The following MTUS2 variants were observed in gnomAD, a reference collection of about 807,000 sequenced individuals.
MTUS2 encodes the protein microtubule associated scaffold protein 2, also known as microtubule-associated tumor suppressor candidate 2.
Under a neutral mutation model 114.1 loss-of-function variants are expected in MTUS2, and 40 were observed. That is an observed-to-expected ratio of 0.35 (90% CI 0.27 to 0.46). The LOEUF (loss-of-function observed/expected upper bound fraction) is 0.46. MTUS2 is among the 20% of genes least tolerant of loss of function. MTUS2 has a pLI of 1.00. For missense variants in MTUS2, 1,679 were observed against 1,705.4 expected, an observed-to-expected ratio of 0.98 and a Z score of 0.27; for synonymous variants, 688 against 672.0, an observed-to-expected ratio of 1.02 and a Z score of -0.37.
chr13:29,087,395 G>T (rs535134222), intron 4 of MTUS2, among the ~76,000 whole-genome samples: 1 of 152,114 alleles, frequency 6.6e-6, no homozygotes, highest in South Asian at 2.1e-4. Context: ...TTATGTGGTC[G>T]ATCACAATTA....
intron 5 of MTUS2, among the ~76,000 whole-genome samples, chr13:29,215,137 T>C (rs939937739): frequency 1.3e-5 from 2 of 151,868 alleles, no homozygotes; most frequent in East Asian, 3.9e-4. Flanking sequence ...TATCCTTTCT[T>C]CTGCTTGATG....
chr13:29,357,946 A>G (rs1280782660), intron 7 of MTUS2, among the ~76,000 whole-genome samples: 1 of 152,070 alleles, frequency 6.6e-6, no homozygotes, highest in East Asian at 1.9e-4. Context: ...ACGTTCACAA[A>G]CCCATTACTC....
intron 2 of MTUS2, among the ~76,000 whole-genome samples, chr13:28,904,827 C>T (rs1372638000): frequency 6.6e-6 from 1 of 152,036 alleles, no homozygotes; most frequent in Non-Finnish European, 1.5e-5. Context: ...GGCATTGAAT[C>T]TATAAATTAC....
At chr13:29,452,316 G>A (rs539678119) in intron 9 of MTUS2, among the ~76,000 whole-genome samples, 16 of 152,058 alleles carry the variant, frequency 1.1e-4, no homozygotes, top group East Asian at 3.9e-4. Flanking sequence ...TATGCATAAC[G>A]CTTTCTGGTT....
At chr13:28,882,686 A>G (rs542501009) in intron 2 of MTUS2, among the ~76,000 whole-genome samples, 4 of 152,326 alleles carry the variant, frequency 2.6e-5, no homozygotes, top group Admixed American at 2.0e-4. Flanking sequence ...GCAGTGAGCC[A>G]TGATTGTGCT....
chr13:28,940,639 C>T (rs1453579322), intron 2 of MTUS2, among the ~76,000 whole-genome samples: 4 of 145,370 alleles, frequency 2.8e-5, no homozygotes, highest in East Asian at 1.9e-4. Context: ...TATAAATATT[C>T]GAATATTAAA....
chr13:28,852,543 G>A (rs947281666), intron 2 of MTUS2, among the ~76,000 whole-genome samples: 9 of 152,098 alleles, frequency 5.9e-5, no homozygotes, highest in Non-Finnish European at 1.0e-4. Flanking sequence ...TTGTTTCTGA[G>A]CAACACTAAC....
Position 29,024,997 on chromosome 13 carries a change from T to C in MTUS2, c.299T>C (p.Leu100Pro). The C allele has an allele frequency of 6.2e-7, 1 of 1,613,626 alleles. No homozygotes were observed. The highest frequency in any genetic ancestry group is 1.1e-5 in the South Asian group (1 of 90,970). Residue 100 changes from leucine (L) to proline (P), a missense_variant, in exon 3 of 16, where the codon CTT becomes CCT. Physicochemically the swap from Leu to Pro is moderately conservative, Grantham distance 98 (BLOSUM62 -3). Transcript: ENST00000612955. Reference protein sequence around the residue: ...AGSASLKDFRLSSTIQRELNE... With the variant: ...AGSASLKDFRPSSTIQRELNE... ...TCTGCCAGCCTGAAAGATTTTAGAC[T>C]TTCTTCAACCATTCAGAGGGAACTC...
At chr13:29,114,159 T>C (rs1047869168) in intron 5 of MTUS2, among the ~76,000 whole-genome samples, 4 of 152,080 alleles carry the variant, frequency 2.6e-5, no homozygotes, top group African/African-American at 9.7e-5. Flanking sequence ...ATTAAACCTT[T>C]TTTTTTTTAA....
In MTUS2 at chr13:28,869,597, C is replaced by G. The variant is rs112893302; in HGVS notation, c.-243+29747C>G. Among the ~76,000 whole-genome samples the G allele has an allele frequency of 4.0e-3, 612 of 152,154 alleles. 10 individuals are homozygous for G. The highest frequency in any genetic ancestry group is 6.0e-3 in the Non-Finnish European group (406 of 67,994). On this transcript the variant is annotated intron_variant, in intron 2 of 15. Transcript: ENST00000612955. ...ACCATTCTGGCCAACATGGTGAAAC[C>G]CATCTCTACTAAAAATACAAAAAAT...
chr13:29,058,135 G>A (rs1027485892), intron 4 of MTUS2, among the ~76,000 whole-genome samples: 1 of 151,698 alleles, frequency 6.6e-6, no homozygotes, highest in Non-Finnish European at 1.5e-5. Context: ...CTGGCTTATA[G>A]GGTTTCTGCT....
chr13:29,480,122 A>G lies in MTUS2; in HGVS notation c.3185-28A>G, dbSNP rs993418730. On this transcript the variant is annotated intron_variant, in intron 9 of 15. Coordinates refer to ENST00000612955, the MANE Select transcript of MTUS2 (RefSeq NM_001033602.4). This position sits in a 1 kb window ranked among gnomAD's most constrained non-coding sequence, Gnocchi z 4.4. ...CCCATGCCTCCTACGGCCATTTTTT[A>G]AAGAAAGATCTTGTGCTTTGCGCCC... 6.5e-7 allele frequency: 1 copy of G among 1,549,116 alleles called. No individual in the cohort carries two copies. Among genetic ancestry groups the G allele is most frequent in the African/African-American group, 1.4e-5 (1 of 72,902 alleles).
intron 1 of MTUS2, among the ~76,000 whole-genome samples, chr13:28,825,149 G>A (rs1009997629): frequency 2.0e-5 from 3 of 152,174 alleles, no homozygotes; most frequent in Non-Finnish European, 4.4e-5. Flanking sequence ...TGTTGTTCTT[G>A]GGGCCTTAGT....
chr13:28,898,308 G>C (rs1879411948), intron 2 of MTUS2, among the ~76,000 whole-genome samples: 1 of 152,164 alleles, frequency 6.6e-6, no homozygotes, highest in African/African-American at 2.4e-5. Flanking sequence ...GTTCTGATGA[G>C]TTCTGAAGGT....
chr13:29,335,710 G>A (rs1901027643), intron 7 of MTUS2, among the ~76,000 whole-genome samples: 1 of 152,070 alleles, frequency 6.6e-6, no homozygotes, highest in African/African-American at 2.4e-5. Flanking sequence ...GTGAATTATC[G>A]GGGGCGGGTT....
intron 6 of MTUS2, among the ~76,000 whole-genome samples, chr13:29,300,372 C>A (rs1014043730): frequency 4.6e-5 from 7 of 152,254 alleles, no homozygotes; most frequent in Admixed American, 2.6e-4. Flanking sequence ...GTATTTTGCC[C>A]ACCCTGCTTG....
Position 29,025,373 on chromosome 13 carries a change from C to A in MTUS2, c.675C>A (p.Val225=). The change falls in exon 3 of 16, where the codon GTC becomes GTA. Residue 225 remains valine (V), a synonymous_variant. Coordinates refer to ENST00000612955, the MANE Select transcript of MTUS2 (RefSeq NM_001033602.4). ...AGAAGACATTGCCAGACCACGCTGTCCCGGCAGCTTTCCCTGCAACTGACA... is the reference window on the plus strand; with the variant it reads ...AGAAGACATTGCCAGACCACGCTGTACCGGCAGCTTTCCCTGCAACTGACA... ...GPQKTLPDHA[V]PAAFPATDST... 6.2e-7 allele frequency: 1 copy of A among 1,613,848 alleles called. No homozygotes were observed. Among genetic ancestry groups the A allele is most frequent in the Non-Finnish European group, 8.5e-7 (1 of 1,179,876 alleles).
At chr13:29,137,029 C>T (rs969376606) in intron 5 of MTUS2, among the ~76,000 whole-genome samples, 3 of 152,184 alleles carry the variant, frequency 2.0e-5, no homozygotes, top group Non-Finnish European at 4.4e-5. Context: ...AATCTCCCCA[C>T]AATTTGGTAG....
chr13:29,351,500 T>C lies in MTUS2; in HGVS notation c.2906-7762T>C, dbSNP rs1056566704. On this transcript the variant is annotated intron_variant, in intron 7 of 15. Coordinates refer to ENST00000612955, the MANE Select transcript of MTUS2 (RefSeq NM_001033602.4). ...CAGGCTTGAGAAAGAATTGTTTATG[T>C]TCCCCATCCCGGTTCCCGTGCTTAC... Among the ~76,000 whole-genome samples the C allele has an allele frequency of 1.3e-5, 2 of 152,322 alleles. 1 individual carries two copies. Among genetic ancestry groups the C allele is most frequent in the Middle Eastern group, 6.8e-3 (2 of 294 alleles).
Sources: gnomAD v4.1 joint callset for allele counts (sites outside exome capture counted in the v4.1 genomes callset) on GRCh38, gnomAD v4.1.1 for gene constraint, Gnocchi (gnomAD v3.1) non-coding constraint, MANE v1.5 for transcripts, NCBI Gene and HGNC (gene_info 2026-07-23, HGNC 2026-07-21) for gene names.